Variants in LYRM1 observed in about 807,000 individuals in gnomAD.
LYRM1 encodes LYR motif-containing protein 1.
In LYRM1, 14 loss-of-function variants were observed where a neutral mutation model predicts 14.9. The observed-to-expected ratio is 0.94, with a 90% CI of 0.62 to 1.47. The LOEUF (loss-of-function observed/expected upper bound fraction) is 1.47. Among genes scored for constraint, LYRM1 ranks in the 40% most tolerant of loss-of-function variants. The probability of loss-of-function intolerance (pLI) is 0.00; values close to 1 mark genes in which losing one functional copy is unlikely to be tolerated. For synonymous variants in LYRM1, 43 were observed against 56.2 expected (o/e 0.77, Z 1.05); for missense variants, 153 against 149.9 (o/e 1.02, Z -0.11).
At chr16:20,923,148 T>C (rs2083283168) in intron 3 of LYRM1, among the ~76,000 whole-genome samples, 1 of 152,092 alleles carries the variant, frequency 6.6e-6, no homozygotes, top group South Asian at 2.1e-4. Flanking sequence ...CCCTCACAGA[T>C]ACACCTAGAA....
At position 20,915,560 on chromosome 16, in the gene LYRM1, C is replaced by G; in HGVS notation, c.5C>G (p.Thr2Arg). Residue 2 changes from threonine (T) to arginine (R), a missense_variant, in exon 2 of 4, where the codon ACA becomes AGA. Physicochemically the swap from Thr to Arg is moderately conservative, Grantham distance 71. Transcript: ENST00000567954. M[T>R]TATRQEVLGL... Reference sequence around the variant, plus strand: ...TCTATTTTGGTGGGTCTGAAGATGACAACGGCAACACGACAAGAAGTCCTT... The same window carrying G: ...TCTATTTTGGTGGGTCTGAAGATGAGAACGGCAACACGACAAGAAGTCCTT... 1 of 1,613,258 alleles carries G rather than the reference C, an allele frequency of 6.2e-7. No individual in the cohort carries two copies. The highest frequency in any genetic ancestry group is 2.2e-5 in the East Asian group (1 of 44,834).
At chr16:20,910,337 G>A (rs1227133961) in intron 1 of LYRM1, among the ~76,000 whole-genome samples, 1 of 152,182 alleles carries the variant, frequency 6.6e-6, no homozygotes, top group East Asian at 1.9e-4. Context: ...CTTCTCTCAG[G>A]AAATCTTTGA....
chr16:20,906,072 C>T (rs909915995), intron 1 of LYRM1, among the ~76,000 whole-genome samples: 1 of 152,128 alleles, frequency 6.6e-6, no homozygotes, highest in African/African-American at 2.4e-5. Flanking sequence ...CCCAAATCTC[C>T]CCCTGCTCTC....
In LYRM1 at chr16:20,905,961, C is replaced by T. The variant is rs193247567; in HGVS notation, c.-1+5072C>T. On this transcript the variant is annotated intron_variant, in intron 1 of 3. Coordinates refer to ENST00000567954, the MANE Select transcript of LYRM1 (RefSeq NM_001128302.3). ...GTGTGTATCTCAGGATGAGAACATACGTTATCAATGACCATTCTGTGTGTG... is the reference window on the plus strand; with the variant it reads ...GTGTGTATCTCAGGATGAGAACATATGTTATCAATGACCATTCTGTGTGTG... 6.6e-5 allele frequency among the ~76,000 whole-genome samples: 10 copies of T among 152,264 alleles called. 1 individual carries two copies. The East Asian group carries it at 1.7e-3, about 26-fold the overall frequency.
intron 3 of LYRM1, among the ~76,000 whole-genome samples, chr16:20,923,234 T>C (rs2083287458): frequency 6.6e-6 from 1 of 152,112 alleles, no homozygotes; most frequent in East Asian, 1.9e-4. Context: ...GCACGGTGGC[T>C]CATGCCTGTA....
chr16:20,921,703 A>G (rs2152557120), intron 3 of LYRM1: 1 of 142,216 alleles, frequency 7.0e-6, no homozygotes, highest in South Asian at 2.3e-4. Context: ...CCCAGCCCAA[A>G]TTTCTTAAAA....
Position 20,900,780 on chromosome 16 carries a change from CA to C in LYRM1, c.-109del, listed in dbSNP as rs1348619257. Reference sequence around the variant, plus strand: ...TTTGGTCCGGCCTGGCCTACTGGACCAGCCTGTGCTCGGTCGGCCACGGCTC... The same window carrying C: ...TTTGGTCCGGCCTGGCCTACTGGACCGCCTGTGCTCGGTCGGCCACGGCTC... On this transcript the variant is annotated 5_prime_UTR_variant, in exon 1 of 4. Transcript: ENST00000567954. The C allele has an allele frequency of 6.6e-6, 1 of 152,396 alleles. No individual in the cohort carries two copies. Among genetic ancestry groups the C allele is most frequent in the Non-Finnish European group, 1.5e-5 (1 of 68,214 alleles). The allele number at this position is 152,396 out of a possible 1,614,324, so 9.4% of individuals were successfully genotyped here. A position where few individuals can be genotyped will look rare whatever the true frequency, so the allele number is the denominator to read the frequency against.
intron 1 of LYRM1, among the ~76,000 whole-genome samples, chr16:20,908,389 T>C (rs1567447121): frequency 6.6e-6 from 1 of 152,200 alleles, no homozygotes; most frequent in African/African-American, 2.4e-5. Context: ...CAACAGACAT[T>C]CAACATTTAT....
At chr16:20,915,784 G>C (rs999706982) in intron 2 of LYRM1, 70 bp downstream of exon 2, 2 of 1,525,302 alleles carry the variant, frequency 1.3e-6, no homozygotes, top group Non-Finnish European at 1.8e-6. Context: ...ATTTCTTTTC[G>C]GTCTTTAATC....
intron 1 of LYRM1, among the ~76,000 whole-genome samples, chr16:20,908,990 G>A (rs2082454474): frequency 6.6e-6 from 1 of 152,236 alleles, no homozygotes; most frequent in South Asian, 2.1e-4. Flanking sequence ...AAAGGAAGCT[G>A]TATATCACAT....
At chr16:20,918,169 T>C (rs560198812) in intron 2 of LYRM1, among the ~76,000 whole-genome samples, 6 of 152,310 alleles carry the variant, frequency 3.9e-5, no homozygotes, top group South Asian at 2.1e-4. Flanking sequence ...ACTTTGATAG[T>C]TGAAGGCACT....
chr16:20,901,953 A>G lies in LYRM1; in HGVS notation c.-1+1064A>G, dbSNP rs2082083868. ...ATCCTGGCCAACATGGTGAAACCCCATCTCTACTAAAAATACAAAAATCAG... is the reference window on the plus strand; with the variant it reads ...ATCCTGGCCAACATGGTGAAACCCCGTCTCTACTAAAAATACAAAAATCAG... On this transcript the variant is annotated intron_variant, in intron 1 of 3. Coordinates refer to ENST00000567954, the MANE Select transcript of LYRM1 (RefSeq NM_001128302.3). The surrounding 1 kb of genome is among the most constrained non-coding windows in gnomAD (Gnocchi z 4.6). 6.6e-6 allele frequency among the ~76,000 whole-genome samples: 1 copy of G among 152,146 alleles called. No individual in the cohort carries two copies. Among genetic ancestry groups the G allele is most frequent in the Non-Finnish European group, 1.5e-5 (1 of 68,016 alleles).
At chr16:20,918,745 T>C (rs545535796) in intron 2 of LYRM1, among the ~76,000 whole-genome samples, 91 of 152,314 alleles carry the variant, frequency 6.0e-4, no homozygotes, top group Non-Finnish European at 8.8e-4. Context: ...AATCCAAAGG[T>C]ATCCCATGAA....
At chr16:20,912,217 C>T (rs1484487321) in intron 1 of LYRM1, among the ~76,000 whole-genome samples, 2 of 151,940 alleles carry the variant, frequency 1.3e-5, no homozygotes, top group African/African-American at 4.8e-5. Flanking sequence ...GCTGGGATTA[C>T]AGGCATGAGC....
At chr16:20,917,051 C>CT (rs2082939234) in intron 2 of LYRM1, among the ~76,000 whole-genome samples, 2 of 140,664 alleles carry the variant, frequency 1.4e-5, no homozygotes, top group South Asian at 4.6e-4. Flanking sequence ...GTCCCTGTCT[C>CT]TTAAAAAAAA....
At chr16:20,912,936 C>T (rs1402371282) in intron 1 of LYRM1, among the ~76,000 whole-genome samples, 3 of 151,820 alleles carry the variant, frequency 2.0e-5, no homozygotes, top group African/African-American at 4.8e-5. Flanking sequence ...CGTGATGGTG[C>T]GCACCTGTAA....
At chr16:20,907,102 C>T (rs1248567309) in intron 1 of LYRM1, among the ~76,000 whole-genome samples, 1 of 152,156 alleles carries the variant, frequency 6.6e-6, no homozygotes, top group East Asian at 1.9e-4. Flanking sequence ...TAATTAGGGG[C>T]ATTAGGCAAG....
rs374746846 is a variant in LYRM1 at position 20,913,519 on chromosome 16, C to A, written c.1-2037C>A. ...TAGAGACTGGGTTTCACCATGTTGC[C>A]CAGGCTGGTCTTGAACTCCTTACCT... On this transcript the variant is annotated intron_variant, in intron 1 of 3. Transcript: ENST00000567954. Among the ~76,000 whole-genome samples the A allele has an allele frequency of 9.5e-4, 145 of 152,130 alleles. 4 individuals carry two copies. In the South Asian group the frequency reaches 0.029, roughly 31 times the overall value.
At chr16:20,916,839 C>T (rs1012921974) in intron 2 of LYRM1, among the ~76,000 whole-genome samples, 3 of 152,130 alleles carry the variant, frequency 2.0e-5, no homozygotes, top group South Asian at 2.1e-4. Context: ...GACTAGATGT[C>T]GAAGACAAAC....
Sources: gnomAD v4.1 joint callset for allele counts (sites outside exome capture counted in the v4.1 genomes callset) on GRCh38, gnomAD v4.1.1 for gene constraint, Gnocchi (gnomAD v3.1) non-coding constraint, MANE v1.5 for transcripts, NCBI Gene and HGNC (gene_info 2026-07-23, HGNC 2026-07-21) for gene names.